The following CAPN10 variants were observed in gnomAD, a reference collection of about 807,000 sequenced individuals.
CAPN10 encodes the protein calpain-10.
A neutral mutation model predicts 78.4 loss-of-function variants in CAPN10; 71 were observed. That is an observed-to-expected ratio of 0.91 (90% CI 0.75 to 1.10). CAPN10 has a LOEUF of 1.10. CAPN10 is among the 50% of genes least tolerant of loss of function. The probability of loss-of-function intolerance (pLI) is 0.00; values close to 1 mark genes in which losing one functional copy is unlikely to be tolerated. For synonymous variants in CAPN10, 437 were observed against 407.2 expected, an observed-to-expected ratio of 1.07 and a Z score of -0.88; for missense variants, 849 against 924.6, an observed-to-expected ratio of 0.92 and a Z score of 1.06.
At chr2:240,592,177 G>A (rs376930741) in intron 4 of CAPN10, 27 bp downstream of exon 4, 98 of 1,535,080 alleles carry the variant, frequency 6.4e-5, no homozygotes, top group Non-Finnish European at 4.4e-6. Flanking sequence ...GCATGGGAGG[G>A]CTGCAGCCAG....
At position 240,596,378 on chromosome 2, in the gene CAPN10, C is replaced by A; in HGVS notation, c.1338C>A (p.Thr446=). 3.7e-6 allele frequency: 6 copies of A among 1,613,074 alleles called. No individual in the cohort carries two copies. The highest frequency in any genetic ancestry group is 5.1e-6 in the Non-Finnish European group (6 of 1,179,782). Residue 446 remains threonine, a synonymous_variant, in exon 8 of 12, where the codon ACC becomes ACA. Coordinates refer to ENST00000391984, the MANE Select transcript of CAPN10 (RefSeq NM_023083.4). Reference sequence around the variant, plus strand: ...TGTCCATGCCCCCCGTGGCTGGCACCGCGTGCCATGCATACGACCGGGAGG... The same window carrying A: ...TGTCCATGCCCCCCGTGGCTGGCACAGCGTGCCATGCATACGACCGGGAGG... ...RVLSMPPVAG[T]ACHAYDREVH... is the part of the protein sequence containing the mutation.
intron 2 of CAPN10, 144 bp downstream of exon 2, chr2:240,589,618 C>A: frequency 9.3e-7 from 1 of 1,075,458 alleles, no homozygotes; most frequent in East Asian, 2.5e-5. Context: ...AGGAGAGTTC[C>A]AAGGCAGAGG....
At chr2:240,592,883 T>C (rs1030148785) in intron 4 of CAPN10, 2 of 162,998 alleles carry the variant, frequency 1.2e-5, no homozygotes, top group African/African-American at 4.8e-5. Context: ...GCAGTATCAA[T>C]GAACATCTTT....
At chr2:240,591,542 A>G (rs1370786791) in intron 3 of CAPN10, 4 of 273,836 alleles carry the variant, frequency 1.5e-5, no homozygotes, top group Non-Finnish European at 2.1e-5. Context: ...GCTGGTGAAC[A>G]TGGGAAGGCT....
At chr2:240,594,348 A>G (rs1362515656) in intron 5 of CAPN10, 195 bp from the exon 6 acceptor site, 3 of 664,858 alleles carry the variant, frequency 4.5e-6, no homozygotes, top group Non-Finnish European at 7.9e-6. Flanking sequence ...AGAGGGCTCC[A>G]GGGTGGCCGC....
intron 2 of CAPN10, 59 bp from the exon 3 acceptor site, chr2:240,590,756 A>G (rs1280611967): frequency 3.3e-6 from 5 of 1,532,590 alleles, no homozygotes; most frequent in Non-Finnish European, 4.5e-6. Flanking sequence ...GGGACACTGG[A>G]GTAGCGCCGG....
intron 2 of CAPN10, 27 bp from the exon 3 acceptor site, chr2:240,590,788 C>G (rs1441102459): frequency 1.2e-6 from 2 of 1,609,468 alleles, no homozygotes; most frequent in African/African-American, 1.3e-5. Context: ...ATCACGCTCG[C>G]CTTTTGCTTC....
chr2:240,592,388 G>A (rs988280320), intron 4 of CAPN10: 6 of 698,054 alleles, frequency 8.6e-6, no homozygotes, highest in Middle Eastern at 2.3e-4. Flanking sequence ...TGCGAGGCAG[G>A]AAGAGGTGGC....
Position 240,593,974 on chromosome 2 carries a change from G to A in CAPN10, c.757G>A (p.Gly253Ser), listed in dbSNP as rs1244009062. 6.2e-7 allele frequency: 1 copy of A among 1,611,658 alleles called. No individual in the cohort carries two copies. The highest frequency in any genetic ancestry group is 8.5e-7 in the Non-Finnish European group (1 of 1,178,498). ...SDLRELQGQA[G>S]QCILLLRIQN... is the part of the protein sequence containing the mutation. ...CCTGCGGGAGCTCCAGGGTCAGGCG[G>A]GCCAGTGCATCCTGCTGCTGCGGAT... is the stretch of plus-strand genomic sequence containing the variant. The change falls in exon 5 of 12, where the codon GGC (glycine) becomes AGC (serine). Residue 253 changes from glycine (G) to serine (S), a missense_variant. Physicochemically the swap from Gly to Ser is moderately conservative, Grantham distance 56. Transcript: ENST00000391984.
At chr2:240,588,068 CTGAT>C (rs2093079290) in intron 1 of CAPN10, among the ~76,000 whole-genome samples, 1 of 152,098 alleles carries the variant, frequency 6.6e-6, no homozygotes, top group Non-Finnish European at 1.5e-5. Flanking sequence ...GCCATAGTGA[CTGAT>C]TGAAATAGAG....
intron 4 of CAPN10, 90 bp from the exon 5 acceptor site, chr2:240,593,816 C>T: frequency 1.4e-6 from 2 of 1,460,548 alleles, no homozygotes; most frequent in Non-Finnish European, 1.8e-6. Flanking sequence ...TGGAGCATCT[C>T]CAGAGGAGGA....
Position 240,589,457 on chromosome 2 carries a change from A to C in CAPN10, c.256A>C (p.Arg86=), listed in dbSNP as rs762634427. The C allele has an allele frequency of 3.1e-6, 5 of 1,613,438 alleles. No individual in the cohort carries two copies. In the South Asian group the frequency reaches 5.5e-5, roughly 18 times the overall value. ...LCACAALQKS[R]HLLDQVIPPG... ...TGCCTGCGCCGCGCTGCAGAAGAGC[A>C]GGCACCTCCTGGACCAGGTGCGGGG... Residue 86 remains arginine, a synonymous_variant, in exon 2 of 12, where the codon AGG becomes CGG. Coordinates refer to ENST00000391984, the MANE Select transcript of CAPN10 (RefSeq NM_023083.4).
chr2:240,597,689 G>GC (rs1458384340), intron 9 of CAPN10, among the ~76,000 whole-genome samples, 199 bp from the exon 10 acceptor site: 1 of 152,176 alleles, frequency 6.6e-6, no homozygotes, highest in Non-Finnish European at 1.5e-5. Context: ...CCAGGCGGGG[G>GC]CCCCACTGCC....
At chr2:240,591,824 G>A (rs764051588) in intron 3 of CAPN10, 109 bp from the exon 4 acceptor site, 76 of 890,920 alleles carry the variant, frequency 8.5e-5, no homozygotes, top group Non-Finnish European at 1.2e-4. Flanking sequence ...GTAAAGAGGT[G>A]GGATTGAGGC....
chr2:240,594,426 G>T (rs920946958), intron 5 of CAPN10, 117 bp from the exon 6 acceptor site: 33 of 1,027,782 alleles, frequency 3.2e-5, no homozygotes, highest in Admixed American at 1.1e-4. Context: ...GGGGCACGGG[G>T]TTGCTGGCAG....
chr2:240,594,569 C>T lies in CAPN10; in HGVS notation c.857C>T (p.Ala286Val). 2 of 1,613,736 alleles carry T rather than the reference C, an allele frequency of 1.2e-6. No homozygotes were observed. Among genetic ancestry groups the T allele is most frequent in the South Asian group, 2.2e-5 (2 of 91,066 alleles). Residue 286 changes from alanine (A) to valine (V), a missense_variant, in exon 6 of 12, where the codon GCA becomes GTA. Coordinates refer to ENST00000391984, the MANE Select transcript of CAPN10 (RefSeq NM_023083.4). ...EGGEGWSQVDAAVASELLSQL... is the reference protein window; with the variant it reads ...EGGEGWSQVDVAVASELLSQL... Reference sequence around the variant, plus strand: ...GGTGAAGGGTGGAGCCAGGTAGATGCAGCGGTAGCATCTGAGCTCCTGTCC... The same window carrying T: ...GGTGAAGGGTGGAGCCAGGTAGATGTAGCGGTAGCATCTGAGCTCCTGTCC...
intron 3 of CAPN10, chr2:240,591,274 C>T (rs2093100255): frequency 2.2e-6 from 1 of 447,228 alleles, no homozygotes; most frequent in East Asian, 3.6e-5. Flanking sequence ...AACATGTGTG[C>T]CGTCCTCCTT....
rs1559427033 is a variant in CAPN10 at position 240,596,743 on chromosome 2, G to C, written c.1544G>C (p.Gly515Ala). 6.2e-7 allele frequency: 1 copy of C among 1,602,094 alleles called. No homozygotes were observed. Among genetic ancestry groups the C allele is most frequent in the Non-Finnish European group, 8.5e-7 (1 of 1,173,518 alleles). Residue 515 changes from glycine (G) to alanine (A), a missense_variant, in exon 9 of 12, where the codon GGG becomes GCG. Gly to Ala is a moderately conservative substitution (Grantham distance 60, BLOSUM62 0). Coordinates refer to ENST00000391984, the MANE Select transcript of CAPN10 (RefSeq NM_023083.4). Reference protein sequence around the residue: ...PGAALPAGEWGTVQLRGSWRV... With the variant: ...PGAALPAGEWATVQLRGSWRV... The stretch of plus-strand genomic sequence containing the variant: ...GCAGCCCTGCCTGCGGGGGAGTGGG[G>C]GACCGTGCAGCTACGGGGTTCTTGG...
chr2:240,597,340 G>A (rs2093143477), intron 9 of CAPN10, among the ~76,000 whole-genome samples: 2 of 152,222 alleles, frequency 1.3e-5, no homozygotes. Flanking sequence ...GGCCCAGGCT[G>A]GCTGGCCACA....
Sources: allele counts gnomAD v4.1 joint callset (sites outside exome capture counted in the v4.1 genomes callset), GRCh38; gene constraint gnomAD v4.1.1; transcripts MANE v1.5; gene names NCBI Gene and HGNC (gene_info 2026-07-23, HGNC 2026-07-21).